The following SIX3 variants were observed in gnomAD, a reference collection of about 807,000 sequenced individuals.
SIX3 encodes SIX homeobox 3.
A neutral mutation model predicts 21.7 loss-of-function variants in SIX3; 2 were observed. The observed-to-expected ratio is 0.09, with a 90% confidence interval of 0.04 to 0.29. SIX3 has a LOEUF of 0.29. Ranked by LOEUF, SIX3 falls within the 10% of genes least tolerant of loss-of-function variation. The pLI is 1.00. For missense variants in SIX3, 347 were observed against 480.7 expected, an observed-to-expected ratio of 0.72 and a Z score of 2.60; for synonymous variants, 243 against 220.6, an observed-to-expected ratio of 1.10 and a Z score of -0.90.
Position 44,942,321 on chromosome 2 carries a change from C to T in SIX3, c.217C>T (p.Pro73Ser), listed in dbSNP as rs889069929. The T allele has an allele frequency of 1.9e-6, 3 of 1,591,664 alleles. No individual in the cohort carries two copies. Among genetic ancestry groups the T allele is most frequent in the Admixed American group, 1.7e-5 (1 of 59,576 alleles). The change falls in exon 1 of 2, where the codon CCC becomes TCC. Residue 73 changes from proline to serine, a missense_variant. Physicochemically the swap from Pro to Ser is moderately conservative, Grantham distance 74. Transcript: ENST00000260653. This position sits in a 1 kb window ranked among gnomAD's most constrained non-coding sequence, Gnocchi z 8.4. ...GGGGGGGSRA[P>S]PEELSMFQLP... The stretch of plus-strand genomic sequence containing the variant: ...CGGCGGCGGCGGCGGCTCCAGGGCC[C>T]CCCCGGAAGAGTTGTCCATGTTCCA...
rs1256011742 is a variant in SIX3 at position 44,945,747 on chromosome 2, C to A, written c.*987C>A. 5 of 152,070 alleles carry A rather than the reference C, an allele frequency of 3.3e-5. No individual in the cohort carries two copies. Among genetic ancestry groups the A allele is most frequent in the Non-Finnish European group, 7.4e-5 (5 of 68,018 alleles). 9.4% of individuals were successfully genotyped at this position (152,070 alleles called of 1,614,324 possible). ...CTTTTTCTCCTCTCCCTTTCTCTTT[C>A]TCTCCTCTCCCTCTCTCTGTCTTTC... On this transcript the variant is annotated 3_prime_UTR_variant, in exon 2 of 2. Coordinates refer to ENST00000260653, the MANE Select transcript of SIX3 (RefSeq NM_005413.4).
At chr2:44,943,021 C>T (rs1344529020) in intron 1 of SIX3, 111 bp downstream of exon 1, 1 of 1,445,884 alleles carries the variant, frequency 6.9e-7, no homozygotes. Context: ...GCCGTGACTC[C>T]TGGCCAGTCG....
intron 1 of SIX3, 148 bp from the exon 2 acceptor site, chr2:44,944,420 C>G: frequency 1.1e-6 from 1 of 900,118 alleles, no homozygotes; most frequent in Non-Finnish European, 1.7e-6. Flanking sequence ...CCCAAGCGGC[C>G]GGGCTCGGGT....
chr2:44,942,265 C>T lies in SIX3; in HGVS notation c.161C>T (p.Ala54Val). 1 of 1,535,622 alleles carries T rather than the reference C, an allele frequency of 6.5e-7. No homozygotes were observed. ...AGGGSGGGNG[A>V]GGGGAGGAGG... is the part of the protein sequence containing the mutation. ...GGCGGCAGCGGCGGCGGGAACGGTG[C>T]GGGAGGCGGCGGTGCTGGCGGAGCA... Residue 54 changes from alanine (A) to valine (V), a missense_variant, in exon 1 of 2, where the codon GCG (alanine) becomes GTG (valine). By Grantham distance (64) the Ala-to-Val change is moderately conservative. Around this residue, in one of 4 missense-constraint regions of SIX3, gnomAD observed 105 missense variants for 116.1 expected, o/e 0.90. Transcript: ENST00000260653. This position sits in a 1 kb window ranked among gnomAD's most constrained non-coding sequence, Gnocchi z 8.4.
At position 44,942,440 on chromosome 2, in the gene SIX3, C is replaced by T; in HGVS notation, c.336C>T (p.Leu112=). The change falls in exon 1 of 2, where the codon CTC becomes CTT. Residue 112 remains leucine, a synonymous_variant. Coordinates refer to ENST00000260653, the MANE Select transcript of SIX3 (RefSeq NM_005413.4). This position sits in a 1 kb window ranked among gnomAD's most constrained non-coding sequence, Gnocchi z 8.4. ...TGDIERLGRF[L]WSLPVAPGAC... is the part of the protein sequence containing the mutation. ...ACATCGAGCGGCTGGGCCGCTTCCT[C>T]TGGTCGCTGCCCGTGGCCCCCGGGG... is the stretch of plus-strand genomic sequence containing the variant. 1 of 1,597,826 alleles carries T rather than the reference C, an allele frequency of 6.3e-7. No homozygotes were observed. The highest frequency in any genetic ancestry group is 8.5e-7 in the Non-Finnish European group (1 of 1,179,588).
rs2103640399 is a variant in SIX3, at chr2:44,941,925, T to C, written c.-180T>C. On this transcript the variant is annotated 5_prime_UTR_variant, in exon 1 of 2. Coordinates refer to ENST00000260653, the MANE Select transcript of SIX3 (RefSeq NM_005413.4). ...GGGTGTGTGTGTGTGTGGATGTGTG[T>C]GGGGTGTGGGTGTCCCTTACGCCCT... 5.1e-6 allele frequency: 3 copies of C among 589,968 alleles called. No homozygotes were observed. The South Asian group carries it at 5.2e-5, about 10-fold the overall frequency. The allele number at this position is 589,968 out of a possible 1,614,324, so 36.5% of individuals were successfully genotyped here. A position where few individuals can be genotyped will look rare whatever the true frequency, so the allele number is the denominator to read the frequency against.
Position 44,941,755 on chromosome 2 carries a change from T to C in SIX3, c.-350T>C, listed in dbSNP as rs1666572564. 3.2e-6 allele frequency: 1 copy of C among 310,478 alleles called. No individual in the cohort carries two copies. The highest frequency in any genetic ancestry group is 2.1e-5 in the African/African-American group (1 of 46,670). The allele number at this position is 310,478 out of a possible 1,614,324, so 19.2% of individuals were successfully genotyped here. ...TATGAGGCTGTTGTCATTAGGGCGA[T>C]TGCGGTGGAATCGCTGAATCTTGAC... On this transcript the variant is annotated 5_prime_UTR_variant, in exon 1 of 2. Transcript: ENST00000260653.
At chr2:44,943,296 G>A (rs338078) in intron 1 of SIX3, among the ~76,000 whole-genome samples, 12,357 of 152,274 alleles carry the variant, frequency 0.081, 800 homozygotes, top group African/African-American at 0.17. Flanking sequence ...ATTTCTGTGC[G>A]TTGCAAAACC....
At chr2:44,943,351 G>T (rs933885561) in intron 1 of SIX3, among the ~76,000 whole-genome samples, 1 of 152,224 alleles carries the variant, frequency 6.6e-6, no homozygotes, top group Non-Finnish European at 1.5e-5. Flanking sequence ...GTGAACCTGG[G>T]TCCCTATCAC....
At chr2:44,944,294 G>C (rs1460957873) in intron 1 of SIX3, among the ~76,000 whole-genome samples, 1 of 152,216 alleles carries the variant, frequency 6.6e-6, no homozygotes, top group Admixed American at 6.5e-5. Context: ...CCGGTCGCGG[G>C]GCAGCCGGCT....
rs778662372 is a variant in SIX3 at position 44,944,548 on chromosome 2, C to G, written c.807-20C>G. The G allele has an allele frequency of 6.4e-7, 1 of 1,559,926 alleles. No homozygotes were observed. Among genetic ancestry groups the G allele is most frequent in the Admixed American group, 1.8e-5 (1 of 56,632 alleles). On this transcript the variant is annotated intron_variant, in intron 1 of 1. Transcript: ENST00000260653. ...GCGGGCCTCTGTGTCAGGGCGGGCG[C>G]GGATCTCTTTCTCCCGCAGGCTCCA...
At position 44,944,683 on chromosome 2, in the gene SIX3, T is replaced by G. The variant is rs768858748; in HGVS notation, c.922T>G (p.Ser308Ala). ...GGCGGCCAGCCCGACCACCAGCGTG[T>G]CCAGCCTGACGGAGCGCGCAGACAC... ...STAASPTTSV[S>A]SLTERADTGT... is the part of the protein sequence containing the mutation. Residue 308 changes from serine to alanine, a missense_variant, in exon 2 of 2, where the codon TCC becomes GCC. By Grantham distance (99) the Ser-to-Ala change is moderately conservative. Around this residue, in one of 4 missense-constraint regions of SIX3, gnomAD observed 110 missense variants for 93.3 expected, o/e 1.18. Coordinates refer to ENST00000260653, the MANE Select transcript of SIX3 (RefSeq NM_005413.4). 6.3e-7 allele frequency: 1 copy of G among 1,584,852 alleles called. No individual in the cohort carries two copies. The highest frequency in any genetic ancestry group is 8.5e-7 in the Non-Finnish European group (1 of 1,173,314).
In SIX3 at chr2:44,942,225, G is replaced by GGCGGCGGCGCGGGAGGCGGCA. The variant is rs1553337608; in HGVS notation, c.131_151dup (p.Ala44_Gly50dup). 10 of 1,585,264 alleles carry GGCGGCGGCGCGGGAGGCGGCA rather than the reference G, an allele frequency of 6.3e-6. No homozygotes were observed. Among genetic ancestry groups the GGCGGCGGCGCGGGAGGCGGCA allele is most frequent in the Non-Finnish European group, 7.7e-6 (9 of 1,172,430 alleles). ...CGGCGGCGGGAACGGTGCGGGAGGC[G>GGCGGCGGCGCGGGAGGCGGCA]GCGGCGGCGCGGGAGGCGGCAGCGG... On this transcript the variant is annotated inframe_insertion, in exon 1 of 2. Coordinates refer to ENST00000260653, the MANE Select transcript of SIX3 (RefSeq NM_005413.4). The surrounding 1 kb of genome is among the most constrained non-coding windows in gnomAD (Gnocchi z 8.4).
At chr2:44,944,449 C>T in intron 1 of SIX3, 119 bp from the exon 2 acceptor site, 2 of 1,205,994 alleles carry the variant, frequency 1.7e-6, no homozygotes, top group South Asian at 1.3e-5. Context: ...TCCTCCGAGG[C>T]CAGCCTCTAT....
intron 1 of SIX3, among the ~76,000 whole-genome samples, 173 bp downstream of exon 1, chr2:44,943,083 G>A (rs1369522005): frequency 2.6e-5 from 4 of 152,232 alleles, no homozygotes; most frequent in African/African-American, 9.6e-5. Context: ...CGGGCTGGCT[G>A]TGGGTGTATT....
Position 44,942,809 on chromosome 2 carries a change from G to C in SIX3, c.705G>C (p.Lys235Asn). 6.3e-7 allele frequency: 1 copy of C among 1,599,642 alleles called. No homozygotes were observed. The highest frequency in any genetic ancestry group is 8.5e-7 in the Non-Finnish European group (1 of 1,179,914). Reference sequence around the variant, plus strand: ...AGGACCCCTACCCCAACCCCAGCAAGAAACGCGAACTGGCGCAGGCCACCG... The same window carrying C: ...AGGACCCCTACCCCAACCCCAGCAACAAACGCGAACTGGCGCAGGCCACCG... ...YLQDPYPNPS[K>N]KRELAQATGL... Residue 235 changes from lysine (K) to asparagine (N), a missense_variant, in exon 1 of 2, where the codon AAG (lysine) becomes AAC (asparagine). Physicochemically the swap from Lys to Asn is moderately conservative, Grantham distance 94. Around this residue, in one of 4 missense-constraint regions of SIX3, gnomAD observed 15 missense variants for 65.4 expected, o/e 0.23. Transcript: ENST00000260653. This position sits in a 1 kb window ranked among gnomAD's most constrained non-coding sequence, Gnocchi z 8.4.
Position 44,942,941 on chromosome 2 carries a change from G to A in SIX3, c.806+31G>A. ...TGGCGGGGCCCGCGGCCTGGCTACA[G>A]CCTCAGAGGCCTGGGAAGGGGAGAG... On this transcript the variant is annotated intron_variant, in intron 1 of 1. Transcript: ENST00000260653. The surrounding 1 kb of genome is among the most constrained non-coding windows in gnomAD (Gnocchi z 8.4). 2 of 1,586,674 alleles carry A rather than the reference G, an allele frequency of 1.3e-6. No homozygotes were observed. Among genetic ancestry groups the A allele is most frequent in the Non-Finnish European group, 1.7e-6 (2 of 1,174,008 alleles).
chr2:44,945,064 G>T lies in SIX3; in HGVS notation c.*304G>T. The T allele has an allele frequency of 2.0e-6, 1 of 505,028 alleles. No individual in the cohort carries two copies. Among genetic ancestry groups the T allele is most frequent in the South Asian group, 2.3e-5 (1 of 44,150 alleles). The allele number at this position is 505,028 out of a possible 1,614,324, so 31.3% of individuals were successfully genotyped here. A position where few individuals can be genotyped will look rare whatever the true frequency, so the allele number is the denominator to read the frequency against. ...CAGACAGTCAAACGCTGATGTTGCG[G>T]GCAGAAAACATAAAAGAGGTGACAA... is the stretch of plus-strand genomic sequence containing the variant. On this transcript the variant is annotated 3_prime_UTR_variant, in exon 2 of 2. Transcript: ENST00000260653.
chr2:44,945,716 AT>A lies in SIX3; in HGVS notation c.*957del. ...TATGTGTAGAAATTGCCTGTATATGATATTGCTTTTTCTCCTCTCCCTTTCT... is the reference window on the plus strand; with the variant it reads ...TATGTGTAGAAATTGCCTGTATATGAATTGCTTTTTCTCCTCTCCCTTTCT... On this transcript the variant is annotated 3_prime_UTR_variant, in exon 2 of 2. Transcript: ENST00000260653. 6.6e-6 allele frequency: 1 copy of A among 152,076 alleles called. No individual in the cohort carries two copies. The highest frequency in any genetic ancestry group is 1.5e-5 in the Non-Finnish European group (1 of 67,988). The allele number at this position is 152,076 out of a possible 1,614,324, so 9.4% of individuals were successfully genotyped here.
Sources: allele counts gnomAD v4.1 joint callset (sites outside exome capture counted in the v4.1 genomes callset), GRCh38; gene constraint gnomAD v4.1.1; regional missense constraint gnomAD v4.1.1; non-coding constraint Gnocchi (gnomAD v3.1); transcripts MANE v1.5; gene names NCBI Gene and HGNC (gene_info 2026-07-23, HGNC 2026-07-21).